C11orf68: variants seen among roughly 807,000 people sequenced by gnomAD.
The protein encoded by C11orf68 is chromosome 11 open reading frame 68, also known as UPF0696 protein C11orf68.
A neutral mutation model predicts 4.7 loss-of-function variants in C11orf68; 3 were observed. That is an observed-to-expected ratio of 0.64 (90% CI 0.29 to 1.66). C11orf68 has a LOEUF of 1.66. Ranked by LOEUF, C11orf68 falls within the 40% of genes most tolerant of loss-of-function variation. C11orf68 has a pLI of 0.10. For synonymous variants in C11orf68, 186 were observed against 167.8 expected (o/e 1.11, Z -0.84); for missense variants, 422 against 408.0 (o/e 1.03, Z -0.30).
intron 1 of C11orf68, chr11:65,918,464 G>T: frequency 2.2e-6 from 1 of 454,336 alleles, no homozygotes; most frequent in Non-Finnish European, 3.7e-6. Flanking sequence ...AGGAAACTGA[G>T]GCTGAGAAAA....
Position 65,917,981 on chromosome 11 carries a change from C to T in C11orf68, c.360G>A (p.Trp120Ter). 1 of 1,606,612 alleles carries T rather than the reference C, an allele frequency of 6.2e-7. No individual in the cohort carries two copies. Among genetic ancestry groups the T allele is most frequent in the South Asian group, 1.1e-5 (1 of 90,798 alleles). The change falls in exon 2 of 2, where the codon TGG becomes TGA. Residue 120 changes from tryptophan to a stop codon, truncating the protein, a stop_gained. Coordinates refer to ENST00000438576, the MANE Select transcript of C11orf68 (RefSeq NM_001135635.2). LOFTEE classifies it low-confidence loss of function (END_TRUNC). ...PGSPNSEPVG[W>*]IAVYGQGYSP... ...TGTAGCCCTGCCCATACACTGCAAT[C>T]CAGCCCACAGGCTCTGAGTTGGGTG...
chr11:65,918,481 T>G (rs1364378206), intron 1 of C11orf68: 6 of 416,382 alleles, frequency 1.4e-5, no homozygotes, highest in Admixed American at 4.1e-5. Flanking sequence ...AAAAAGGACT[T>G]GCCCAAGGTC....
chr11:65,918,891 T>C lies in C11orf68; in HGVS notation c.122+19A>G. On this transcript the variant is annotated intron_variant, in intron 1 of 1. Transcript: ENST00000438576. ...TCCCGCCCCGGCCCTGCCCTGCCCC[T>C]CCCGCCGCCCGCAGTCACCTCCGGC... The C allele has an allele frequency of 1.6e-6, 2 of 1,223,838 alleles. No individual in the cohort carries two copies. Among genetic ancestry groups the C allele is most frequent in the Non-Finnish European group, 2.1e-6 (2 of 968,102 alleles). The allele number at this position is 1,223,838 out of a possible 1,614,324, so 75.8% of individuals were successfully genotyped here.
At position 65,917,610 on chromosome 11, in the gene C11orf68, G is replaced by C. The variant is rs1591099171; in HGVS notation, c.731C>G (p.Thr244Ser). ...IRAAGIKCLL[T>S]YKPDVYTYLG... The stretch of plus-strand genomic sequence containing the variant: ...GTAGGTGTAGACATCAGGCTTGTAG[G>C]TGAGCAGGCACTTAATGCCCGCTGC... The change falls in exon 2 of 2, where the codon ACC (threonine) becomes AGC (serine). Residue 244 changes from threonine (T) to serine (S), a missense_variant. Transcript: ENST00000438576. The C allele has an allele frequency of 1.2e-6, 2 of 1,614,108 alleles. No individual in the cohort carries two copies. The highest frequency in any genetic ancestry group is 8.5e-7 in the Non-Finnish European group (1 of 1,180,006).
At position 65,918,208 on chromosome 11, in the gene C11orf68, G is replaced by A. The variant is rs1195550562; in HGVS notation, c.133C>T (p.Pro45Ser). The A allele has an allele frequency of 1.3e-6, 2 of 1,524,862 alleles. No individual in the cohort carries two copies. Among genetic ancestry groups the A allele is most frequent in the Non-Finnish European group, 1.8e-6 (2 of 1,139,616 alleles). The allele number at this position is 1,524,862 out of a possible 1,614,324, so 94.5% of individuals were successfully genotyped here. The change falls in exon 2 of 2, where the codon CCA becomes TCA. Residue 45 changes from proline to serine, a missense_variant. By Grantham distance (74) the Pro-to-Ser change is moderately conservative. Transcript: ENST00000438576. Reference protein sequence around the residue: ...ERSEGRSRMEPGEELEEEGSP... With the variant: ...ERSEGRSRMESGEELEEEGSP... Reference sequence around the variant, plus strand: ...CCCTCCTCTTCCAGCTCCTCACCTGGTTCCATCCTGCTGTGAGGGAACCGA... The same window carrying A: ...CCCTCCTCTTCCAGCTCCTCACCTGATTCCATCCTGCTGTGAGGGAACCGA...
chr11:65,917,877 C>A lies in C11orf68; in HGVS notation c.464G>T (p.Gly155Val), dbSNP rs778468116. The change falls in exon 2 of 2, where the codon GGT becomes GTT. Residue 155 changes from glycine (G) to valine (V), a missense_variant. By Grantham distance (109) the Gly-to-Val change is moderately radical. Coordinates refer to ENST00000438576, the MANE Select transcript of C11orf68 (RefSeq NM_001135635.2). ...LQTSGRPITP[G>V]TLRQLAITHH... ...GGTGATGGCGAGCTGGCGCAGGGTA[C>A]CCGGTGTGATGGGCCGCCCACTGGT... The A allele has an allele frequency of 2.5e-6, 4 of 1,610,742 alleles. No individual in the cohort carries two copies. The South Asian group carries it at 4.4e-5, about 18-fold the overall frequency.
At position 65,917,638 on chromosome 11, in the gene C11orf68, G is replaced by T; in HGVS notation, c.703C>A (p.Arg235Ser). Reference protein sequence around the residue: ...LGVLEADSAIRAAGIKCLLTY... With the variant: ...LGVLEADSAISAAGIKCLLTY... ...AGCAGGCACTTAATGCCCGCTGCACGGATGGCTGAATCCGCCTCCAGTACA... is the reference window on the plus strand; with the variant it reads ...AGCAGGCACTTAATGCCCGCTGCACTGATGGCTGAATCCGCCTCCAGTACA... Residue 235 changes from arginine to serine, a missense_variant, in exon 2 of 2, where the codon CGT becomes AGT. Transcript: ENST00000438576. 3 of 1,614,014 alleles carry T rather than the reference G, an allele frequency of 1.9e-6. No homozygotes were observed. Among genetic ancestry groups the T allele is most frequent in the Non-Finnish European group, 2.5e-6 (3 of 1,180,022 alleles).
At chr11:65,918,393 G>A (rs1217915348) in intron 1 of C11orf68, 175 bp from the exon 2 acceptor site, 3 of 703,064 alleles carry the variant, frequency 4.3e-6, no homozygotes, top group Non-Finnish European at 6.4e-6. Context: ...TTAGATGCCT[G>A]AGGAGTCAGC....
In C11orf68 at chr11:65,917,947, A is replaced by C; in HGVS notation, c.394T>G (p.Ser132Ala). ...AVYGQGYSPN[S>A]GDVQGLQAAW... ...GCCTGCAGGCCCTGCACGTCCCCGG[A>C]GTTGGGGCTGTAGCCCTGCCCATAC... Residue 132 changes from serine to alanine, a missense_variant, in exon 2 of 2, where the codon TCC becomes GCC. Physicochemically the swap from Ser to Ala is moderately conservative, Grantham distance 99 (BLOSUM62 1). Transcript: ENST00000438576. 6.2e-7 allele frequency: 1 copy of C among 1,607,572 alleles called. No homozygotes were observed. The highest frequency in any genetic ancestry group is 8.5e-7 in the Non-Finnish European group (1 of 1,179,840).
rs1024829821 is a variant in C11orf68 at position 65,917,163 on chromosome 11, C to G, written c.*296G>C. ...GCGGGGGATGAGCGTTCCAAGAAGT[C>G]TCTCCTTCTAGGTGTCTGCACCCAA... On this transcript the variant is annotated 3_prime_UTR_variant, in exon 2 of 2. Coordinates refer to ENST00000438576, the MANE Select transcript of C11orf68 (RefSeq NM_001135635.2). The G allele has an allele frequency of 1.1e-5, 4 of 374,804 alleles. No individual in the cohort carries two copies. The highest frequency in any genetic ancestry group is 8.2e-5 in the African/African-American group (4 of 49,070). 23.2% of individuals were successfully genotyped at this position (374,804 alleles called of 1,614,324 possible).
chr11:65,918,312 G>A (rs1854489653), intron 1 of C11orf68, 94 bp from the exon 2 acceptor site: 2 of 1,357,668 alleles, frequency 1.5e-6, no homozygotes, highest in African/African-American at 1.5e-5. Context: ...AGTTACTGTC[G>A]ATGCGCCTCA....
At position 65,918,156 on chromosome 11, in the gene C11orf68, A is replaced by C. The variant is rs868288399; in HGVS notation, c.185T>G (p.Phe62Cys). ...CTCTGCAGCCAGGTGCTCGGCGGTG[A>C]AGCCATCCTCACGGCCACCTGGAGA... ...EGSPGGREDG[F>C]TAEHLAAEAM... Residue 62 changes from phenylalanine (F) to cysteine (C), a missense_variant, in exon 2 of 2, where the codon TTC (phenylalanine) becomes TGC (cysteine). Physicochemically the swap from Phe to Cys is radical, Grantham distance 205 (BLOSUM62 -2). Transcript: ENST00000438576. 4 of 1,568,744 alleles carry C rather than the reference A, an allele frequency of 2.5e-6. No homozygotes were observed. In the Middle Eastern group the frequency reaches 6.9e-4, roughly 269 times the overall value.
chr11:65,917,851 G>A lies in C11orf68; in HGVS notation c.490C>T (p.His164Tyr). ...AGCCACTTGCCCGAGAGCACGTGGT[G>A]GGTGATGGCGAGCTGGCGCAGGGTA... ...PGTLRQLAITHHVLSGKWLMH... is the reference protein window; with the variant it reads ...PGTLRQLAITYHVLSGKWLMH... Residue 164 changes from histidine (H) to tyrosine (Y), a missense_variant, in exon 2 of 2, where the codon CAC (histidine) becomes TAC (tyrosine). Coordinates refer to ENST00000438576, the MANE Select transcript of C11orf68 (RefSeq NM_001135635.2). 1 of 1,611,730 alleles carries A rather than the reference G, an allele frequency of 6.2e-7. No individual in the cohort carries two copies. Among genetic ancestry groups the A allele is most frequent in the Non-Finnish European group, 8.5e-7 (1 of 1,179,956 alleles).
chr11:65,919,011 C>T lies in C11orf68; in HGVS notation c.21G>A (p.Ala7=), dbSNP rs951520772. The T allele has an allele frequency of 2.7e-6, 3 of 1,100,196 alleles. No individual in the cohort carries two copies. Among genetic ancestry groups the T allele is most frequent in the South Asian group, 4.2e-5 (1 of 23,654 alleles). 68.2% of individuals were successfully genotyped at this position (1,100,196 alleles called of 1,614,324 possible). The change falls in exon 1 of 2, where the codon GCG becomes GCA. Residue 7 remains alanine, a synonymous_variant. Transcript: ENST00000438576. MAAAAA[A]AVAGVGRGGG... Reference sequence around the variant, plus strand: ...CACCGCGCCCCACCCCCGCCACGGCCGCCGCCGCCGCCGCCGCCATCTTAG... The same window carrying T: ...CACCGCGCCCCACCCCCGCCACGGCTGCCGCCGCCGCCGCCGCCATCTTAG...
rs760404266 is a variant in C11orf68, at chr11:65,917,941, C to G, written c.400G>C (p.Asp134His). 6.2e-7 allele frequency: 1 copy of G among 1,607,560 alleles called. No individual in the cohort carries two copies. The highest frequency in any genetic ancestry group is 1.3e-5 in the African/African-American group (1 of 74,934). The part of the protein sequence containing the change: ...YGQGYSPNSG[D>H]VQGLQAAWEA... ...CAGGCTGCCTGCAGGCCCTGCACGT[C>G]CCCGGAGTTGGGGCTGTAGCCCTGC... Residue 134 changes from aspartate to histidine, a missense_variant, in exon 2 of 2, where the codon GAC becomes CAC. Physicochemically the swap from Asp to His is moderately conservative, Grantham distance 81 (BLOSUM62 -1). Transcript: ENST00000438576.
At position 65,918,021 on chromosome 11, in the gene C11orf68, T is replaced by C. The variant is rs1486590917; in HGVS notation, c.320A>G (p.Tyr107Cys). 3.1e-6 allele frequency: 5 copies of C among 1,606,980 alleles called. No individual in the cohort carries two copies. Among genetic ancestry groups the C allele is most frequent in the African/African-American group, 1.3e-5 (1 of 74,852 alleles). The change falls in exon 2 of 2, where the codon TAT (tyrosine) becomes TGT (cysteine). Residue 107 changes from tyrosine to cysteine, a missense_variant. Physicochemically the swap from Tyr to Cys is radical, Grantham distance 194 (BLOSUM62 -2). Transcript: ENST00000438576. The part of the protein sequence containing the change: ...AKYPPSQVTR[Y>C]GDPGSPNSEP... ...TGAGTTGGGTGAACCGGGGTCCCCA[T>C]AGCGGGTAACTTGGGATGGTGGGTA...
chr11:65,918,150 G>C lies in C11orf68; in HGVS notation c.191C>G (p.Ala64Gly). The C allele has an allele frequency of 6.4e-7, 1 of 1,573,442 alleles. No homozygotes were observed. The highest frequency in any genetic ancestry group is 8.6e-7 in the Non-Finnish European group (1 of 1,161,622). ...CATGGCCTCTGCAGCCAGGTGCTCG[G>C]CGGTGAAGCCATCCTCACGGCCACC... ...SPGGREDGFT[A>G]EHLAAEAMAA... The change falls in exon 2 of 2, where the codon GCC becomes GGC. Residue 64 changes from alanine to glycine, a missense_variant. Ala to Gly is a moderately conservative substitution (Grantham distance 60, BLOSUM62 0). Transcript: ENST00000438576.
At chr11:65,918,244 G>A (rs925199702) in intron 1 of C11orf68, 26 bp from the exon 2 acceptor site, 3 of 1,494,790 alleles carry the variant, frequency 2.0e-6, no homozygotes, top group Non-Finnish European at 1.8e-6. Context: ...GTCAGGGCAG[G>A]GTCTGAGACA....
chr11:65,918,959 G>A lies in C11orf68; in HGVS notation c.73C>T (p.Arg25Trp). 2 of 1,200,472 alleles carry A rather than the reference G, an allele frequency of 1.7e-6. No individual in the cohort carries two copies. The highest frequency in any genetic ancestry group is 2.9e-5 in the South Asian group (1 of 34,324). The allele number at this position is 1,200,472 out of a possible 1,614,324, so 74.4% of individuals were successfully genotyped here. Residue 25 changes from arginine to tryptophan, a missense_variant, in exon 1 of 2, where the codon CGG (arginine) becomes TGG (tryptophan). Arg to Trp is a moderately radical substitution (Grantham distance 101, BLOSUM62 -3). Transcript: ENST00000438576. ...CCGGCCCAGCCCCGGGCCCGGCTCC[G>A]CTCCTGCCGTGGCTCCGCGCCACCG... Reference protein sequence around the residue: ...GGGGAEPRQERSRARGWAGVE... With the variant: ...GGGGAEPRQEWSRARGWAGVE...
Sources: gnomAD v4.1 joint callset for allele counts on GRCh38, gnomAD v4.1.1 for gene constraint, MANE v1.5 for transcripts, NCBI Gene and HGNC (gene_info 2026-07-23, HGNC 2026-07-21) for gene names.